Variants in ARSG observed in about 807,000 individuals in gnomAD.
The protein encoded by ARSG is arylsulfatase G.
A neutral mutation model predicts 50.5 loss-of-function variants in ARSG; 37 were observed. The observed-to-expected ratio is 0.73, with a 90% CI of 0.56 to 0.96. The LOEUF is 0.96. Ranked by LOEUF, ARSG falls within the 50% of genes least tolerant of loss-of-function variation. ARSG has a pLI of 0.00. For missense variants in ARSG, 629 were observed against 675.3 expected, an observed-to-expected ratio of 0.93 and a Z score of 0.76; for synonymous variants, 225 against 254.6, an observed-to-expected ratio of 0.88 and a Z score of 1.11.
intron 1 of ARSG, among the ~76,000 whole-genome samples, chr17:68,281,201 G>T (rs575565014): frequency 3.4e-4 from 51 of 151,832 alleles, no homozygotes; most frequent in Non-Finnish European, 6.5e-4. Context: ...ATCTGACAGG[G>T]GATTAATAGC....
chr17:68,328,859 C>G (rs916849194), intron 2 of ARSG, among the ~76,000 whole-genome samples: 1 of 137,114 alleles, frequency 7.3e-6, no homozygotes, highest in African/African-American at 3.2e-5. Flanking sequence ...AGAAACAGGT[C>G]TTACGAGGTA....
intron 1 of ARSG, among the ~76,000 whole-genome samples, chr17:68,299,000 G>A (rs2076311300): frequency 6.6e-6 from 1 of 151,482 alleles, no homozygotes; most frequent in Admixed American, 6.6e-5. Context: ...CCAGGGCAAG[G>A]ATAAATCTAC....
rs769751860 is a variant in ARSG, at chr17:68,368,532, G to C, written c.705-16G>C. The C allele has an allele frequency of 8.7e-6, 14 of 1,611,752 alleles. No individual in the cohort carries two copies. Among genetic ancestry groups the C allele is most frequent in the Non-Finnish European group, 1.2e-5 (14 of 1,179,196 alleles). On this transcript the variant is annotated splice_polypyrimidine_tract_variant and intron_variant, in intron 6 of 11. Coordinates refer to ENST00000621439, the MANE Select transcript of ARSG (RefSeq NM_001267727.2). Reference sequence around the variant, plus strand: ...AGAGCCTTCTGCAGAGTCACCTCTTGGTTCTCCTGTTTCAGCACCAGCGGG... The same window carrying C: ...AGAGCCTTCTGCAGAGTCACCTCTTCGTTCTCCTGTTTCAGCACCAGCGGG...
At chr17:68,428,907 G>A in the ARSG span, 14 of 1,613,898 alleles carry the variant, frequency 8.7e-6, no homozygotes, top group Middle Eastern at 1.6e-4. Context: ...ACTGGATGAC[G>A]CAACTAGCAG....
In ARSG at chr17:68,351,671, G is replaced by C; in HGVS notation, c.551G>C (p.Gly184Ala). The change falls in exon 5 of 12, where the codon GGT becomes GCT. Residue 184 changes from glycine to alanine, a missense_variant. By Grantham distance (60) the Gly-to-Ala change is moderately conservative. Transcript: ENST00000621439. ...CCTCCTTGTCCAGCGTGTCCACAGG[G>C]TGATGGACCATCAAGGTAATGCTGT... ...NHPPCPACPQGDGPSRNLQRD... is the reference protein window; with the variant it reads ...NHPPCPACPQADGPSRNLQRD... 1 of 1,610,738 alleles carries C rather than the reference G, an allele frequency of 6.2e-7. No individual in the cohort carries two copies. Among genetic ancestry groups the C allele is most frequent in the Non-Finnish European group, 8.5e-7 (1 of 1,177,032 alleles).
intron 2 of ARSG, among the ~76,000 whole-genome samples, chr17:68,317,696 G>T (rs1283464024): frequency 1.1e-4 from 16 of 152,100 alleles, no homozygotes; most frequent in African/African-American, 3.1e-4. Flanking sequence ...GAGCTGGGCT[G>T]TGCTGTTGAA....
chr17:68,372,087 G>T (rs1445780361), intron 8 of ARSG, among the ~76,000 whole-genome samples: 1 of 152,136 alleles, frequency 6.6e-6, no homozygotes, highest in Non-Finnish European at 1.5e-5. Flanking sequence ...AGGTATTTGT[G>T]TCCAAGAGGT....
At chr17:68,427,030 C>T (rs556057281), downstream of ARSG, 3 of 947,512 alleles carry the variant, frequency 3.2e-6, no homozygotes, top group African/African-American at 4.9e-5. Flanking sequence ...GGAGGGCACT[C>T]CACCCCCAGG....
intron 3 of ARSG, among the ~76,000 whole-genome samples, chr17:68,344,821 G>A (rs1307255723): frequency 2.6e-5 from 4 of 152,202 alleles, no homozygotes; most frequent in South Asian, 2.1e-4. Flanking sequence ...AACCACAAGC[G>A]GGTGGCCCTG....
downstream of ARSG, chr17:68,421,668 C>T (rs968669098): frequency 5.3e-6 from 8 of 1,512,930 alleles, no homozygotes; most frequent in African/African-American, 2.7e-5. Context: ...GGGATTCCTG[C>T]CCCCCTTTCT....
chr17:68,277,400 G>A (rs920996264), intron 1 of ARSG, among the ~76,000 whole-genome samples: 2 of 151,662 alleles, frequency 1.3e-5, no homozygotes, highest in African/African-American at 4.8e-5. Flanking sequence ...AAAGTGCTGG[G>A]ATTACAGGCG....
intron 2 of ARSG, among the ~76,000 whole-genome samples, chr17:68,312,640 T>C (rs1367700325): frequency 3.3e-5 from 5 of 152,294 alleles, no homozygotes; most frequent in African/African-American, 9.6e-5. Context: ...AAAGTGTTTC[T>C]TTCCATCTGA....
chr17:68,349,213 G>A (rs767413990), intron 4 of ARSG, among the ~76,000 whole-genome samples: 13 of 151,878 alleles, frequency 8.6e-5, no homozygotes, highest in Non-Finnish European at 1.6e-4. Flanking sequence ...CAGGGGAACC[G>A]CTTGAACCCA....
chr17:68,303,389 T>C (rs1336255138), intron 1 of ARSG, among the ~76,000 whole-genome samples: 1 of 152,136 alleles, frequency 6.6e-6, no homozygotes, highest in Non-Finnish European at 1.5e-5. Flanking sequence ...CCTCCCAAAG[T>C]GCTGGGATTA....
chr17:68,338,469 A>G (rs1368699642), intron 2 of ARSG, among the ~76,000 whole-genome samples: 1 of 152,084 alleles, frequency 6.6e-6, no homozygotes, highest in Non-Finnish European at 1.5e-5. Flanking sequence ...TGGAGTTCTT[A>G]GTAGAGGCAG....
chr17:68,315,026 T>C (rs2077017515), intron 2 of ARSG, among the ~76,000 whole-genome samples: 1 of 152,230 alleles, frequency 6.6e-6, no homozygotes, highest in Non-Finnish European at 1.5e-5. Flanking sequence ...TGCCAGGCTC[T>C]AGGCATTACC....
intron 1 of ARSG, among the ~76,000 whole-genome samples, chr17:68,262,256 T>G (rs1347137111): frequency 6.6e-6 from 1 of 151,208 alleles, no homozygotes; most frequent in East Asian, 2.0e-4. Flanking sequence ...CGGATCACGA[T>G]GTCAGGAGAT....
chr17:68,415,487 G>A (rs1362121473), intron 11 of ARSG, among the ~76,000 whole-genome samples: 1 of 152,142 alleles, frequency 6.6e-6, no homozygotes, highest in African/African-American at 2.4e-5. Flanking sequence ...AATAGAATGT[G>A]TATTCTGCAG....
chr17:68,391,028 G>C (rs111566547), intron 9 of ARSG, among the ~76,000 whole-genome samples: 7 of 151,448 alleles, frequency 4.6e-5, no homozygotes, highest in Admixed American at 2.6e-4. Context: ...GCACCGAAAC[G>C]AACAGGGGAA....
Sources: allele counts gnomAD v4.1 joint callset (sites outside exome capture counted in the v4.1 genomes callset), GRCh38; gene constraint gnomAD v4.1.1; transcripts MANE v1.5; gene names NCBI Gene and HGNC (gene_info 2026-07-23, HGNC 2026-07-21).